The following AP1M1 variants were observed in gnomAD, a reference collection of about 807,000 sequenced individuals.
AP1M1 encodes adaptor related protein complex 1 subunit mu 1, also known as AP-1 complex subunit mu-1.
Under a neutral mutation model 57.1 loss-of-function variants are expected in AP1M1, and 18 were observed. The ratio of observed to expected loss-of-function variants is 0.32; its 90% CI spans 0.22 to 0.47. The LOEUF (loss-of-function observed/expected upper bound fraction) is 0.47. Among genes scored for constraint, AP1M1 ranks in the 20% least tolerant of loss-of-function variants. AP1M1 has a pLI of 1.00. For synonymous variants in AP1M1, 241 were observed against 237.9 expected (o/e 1.01, Z -0.12); for missense variants, 362 against 593.5 (o/e 0.61, Z 4.05).
In AP1M1 at chr19:16,234,543, C is replaced by A. The variant is rs540652538; in HGVS notation, c.*108C>A. The stretch of plus-strand genomic sequence containing the variant: ...GGGGCCCTCCCTGGTCTCTGGCCAC[C>A]CTCCCAGCCTCTGCCCAGGGACCCC... On this transcript the variant is annotated 3_prime_UTR_variant, in exon 12 of 12. Coordinates refer to ENST00000291439, the MANE Select transcript of AP1M1 (RefSeq NM_032493.4). 5 of 1,423,014 alleles carry A rather than the reference C, an allele frequency of 3.5e-6. No individual in the cohort carries two copies. Among genetic ancestry groups the A allele is most frequent in the Non-Finnish European group, 4.9e-6 (5 of 1,029,964 alleles). 88.1% of individuals were successfully genotyped at this position (1,423,014 alleles called of 1,614,324 possible). A position where few individuals can be genotyped will look rare whatever the true frequency, so the allele number is the denominator to read the frequency against.
intron 9 of AP1M1, among the ~76,000 whole-genome samples, chr19:16,231,092 T>C (rs1277550797): frequency 2.0e-5 from 3 of 151,726 alleles, no homozygotes; most frequent in African/African-American, 7.3e-5. Flanking sequence ...ATCAAGACCA[T>C]CCTGGCTAAC....
intron 10 of AP1M1, 134 bp downstream of exon 10, chr19:16,233,752 C>A: frequency 8.0e-7 from 1 of 1,242,642 alleles, no homozygotes. Context: ...GCCTCTGCCT[C>A]CCCACAGACA....
At chr19:16,223,834 A>G (rs528734936) in intron 5 of AP1M1, among the ~76,000 whole-genome samples, 1 of 152,320 alleles carries the variant, frequency 6.6e-6, no homozygotes, top group Admixed American at 6.5e-5. Context: ...AGCTGTAGTC[A>G]GTGGCAGGGG....
chr19:16,213,710 C>T (rs1357391194), intron 5 of AP1M1, among the ~76,000 whole-genome samples: 3 of 152,124 alleles, frequency 2.0e-5, no homozygotes, highest in Non-Finnish European at 2.9e-5. Flanking sequence ...CCAGGCTGGT[C>T]TCGAACTCCT....
chr19:16,221,391 AAAG>A (rs2091543747), intron 5 of AP1M1, among the ~76,000 whole-genome samples: 1 of 152,262 alleles, frequency 6.6e-6, no homozygotes, highest in Non-Finnish European at 1.5e-5. Flanking sequence ...ACACCCGAAC[AAAG>A]GAGGAAAGCC....
chr19:16,203,882 C>T lies in AP1M1; in HGVS notation c.199+267C>T, dbSNP rs1039869292. Among the ~76,000 whole-genome samples the T allele has an allele frequency of 2.0e-5, 3 of 152,162 alleles. No individual in the cohort carries two copies. The highest frequency in any genetic ancestry group is 4.4e-5 in the Non-Finnish European group (3 of 68,020). On this transcript the variant is annotated intron_variant, in intron 2 of 11. Transcript: ENST00000291439. The surrounding 1 kb of genome is among the most constrained non-coding windows in gnomAD (Gnocchi z 4.6). ...GAAATGACACCCTGGAGGAAGCCTG[C>T]AGGGAGGCCTGGCTTCTGCCAGCTG...
In AP1M1 at chr19:16,228,960, C is replaced by T. The variant is rs1233065485; in HGVS notation, c.1047+32C>T. 6.2e-7 allele frequency: 1 copy of T among 1,604,078 alleles called. No homozygotes were observed. The highest frequency in any genetic ancestry group is 8.5e-7 in the Non-Finnish European group (1 of 1,172,260). On this transcript the variant is annotated intron_variant, in intron 9 of 11. Coordinates refer to ENST00000291439, the MANE Select transcript of AP1M1 (RefSeq NM_032493.4). This position sits in a 1 kb window ranked among gnomAD's most constrained non-coding sequence, Gnocchi z 5.0. ...ACTCTGTCCAGACATCCACGTGCCC[C>T]CTGCGCCTGTCTCTGCAAGGCAGCC...
chr19:16,226,292 C>T, intron 5 of AP1M1, 129 bp from the exon 6 acceptor site: 1 of 1,317,914 alleles, frequency 7.6e-7, no homozygotes, highest in Non-Finnish European at 1.0e-6. Context: ...AGGGGATGCC[C>T]AGGAGAGGGA....
At chr19:16,213,556 G>A (rs766828411) in intron 5 of AP1M1, among the ~76,000 whole-genome samples, 12 of 151,738 alleles carry the variant, frequency 7.9e-5, no homozygotes, top group Middle Eastern at 3.2e-3. Flanking sequence ...GTGCAGTGGC[G>A]CAATCTCGGC....
intron 5 of AP1M1, among the ~76,000 whole-genome samples, chr19:16,217,303 G>A (rs1209339050): frequency 6.6e-6 from 1 of 152,152 alleles, no homozygotes; most frequent in East Asian, 1.9e-4. Context: ...TGGGAGAGGA[G>A]AATGAGGGGC....
intron 1 of AP1M1, among the ~76,000 whole-genome samples, chr19:16,202,763 T>A (rs1343159316): frequency 8.5e-5 from 13 of 152,240 alleles, no homozygotes; most frequent in Admixed American, 8.5e-4. Context: ...CTAGTCTGGG[T>A]CTGTTTCAAT....
rs144259652 is a variant in AP1M1, at chr19:16,220,642, C to T, written c.547-5779C>T. Among the ~76,000 whole-genome samples, 366 of 152,256 alleles carry T rather than the reference C, an allele frequency of 2.4e-3. 1 individual carries two copies. The highest frequency in any genetic ancestry group is 7.1e-3 in the African/African-American group (296 of 41,550). On this transcript the variant is annotated intron_variant, in intron 5 of 11. Transcript: ENST00000291439. ...CTGACCTCAAGTGATCTGCTCACCC[C>T]GGCCTCCCAAAATGCTGGGATTACA...
In AP1M1 at chr19:16,237,934, C is replaced by CA. The variant is rs2145148488; in HGVS notation, c.*3500dup. 6.6e-6 allele frequency: 1 copy of CA among 152,020 alleles called. No homozygotes were observed. The highest frequency in any genetic ancestry group is 2.0e-4 in the East Asian group (1 of 5,104). 9.4% of individuals were successfully genotyped at this position (152,020 alleles called of 1,614,324 possible). On this transcript the variant is annotated 3_prime_UTR_variant, in exon 12 of 12. Coordinates refer to ENST00000291439, the MANE Select transcript of AP1M1 (RefSeq NM_032493.4). ...ACGGCTCACTGCAGCCTCGAGCTGC[C>CA]AGGCTCAGCCAATCCTGCCTCAGCC...
At chr19:16,201,978 G>T (rs1047072270) in intron 1 of AP1M1, among the ~76,000 whole-genome samples, 2 of 152,174 alleles carry the variant, frequency 1.3e-5, no homozygotes, top group Admixed American at 1.3e-4. Flanking sequence ...CAGTGGGGGA[G>T]AGACCCCGTC....
intron 10 of AP1M1, among the ~76,000 whole-genome samples, chr19:16,233,880 C>A (rs1487260117): frequency 6.6e-6 from 1 of 152,160 alleles, no homozygotes; most frequent in African/African-American, 2.4e-5. Flanking sequence ...GACCTCTTTT[C>A]CCTGGCACCC....
At chr19:16,208,928 C>T in intron 4 of AP1M1, 102 bp from the exon 5 acceptor site, 2 of 1,430,632 alleles carry the variant, frequency 1.4e-6, no homozygotes, top group Admixed American at 4.4e-5. Context: ...CGGTCAGAAC[C>T]TGCCCTGTAC....
At chr19:16,232,343 C>T (rs2091602479) in intron 9 of AP1M1, among the ~76,000 whole-genome samples, 2 of 152,360 alleles carry the variant, frequency 1.3e-5, no homozygotes, top group South Asian at 4.1e-4. Context: ...CAGAATTAAA[C>T]CCACTCGGCT....
At position 16,234,606 on chromosome 19, in the gene AP1M1, G is replaced by A. The variant is rs180812155; in HGVS notation, c.*171G>A. The A allele has an allele frequency of 1.2e-5, 9 of 733,904 alleles. No individual in the cohort carries two copies. The highest frequency in any genetic ancestry group is 5.3e-5 in the African/African-American group (3 of 56,828). The allele number at this position is 733,904 out of a possible 1,614,324, so 45.5% of individuals were successfully genotyped here. A position where few individuals can be genotyped will look rare whatever the true frequency, so the allele number is the denominator to read the frequency against. On this transcript the variant is annotated 3_prime_UTR_variant, in exon 12 of 12. Transcript: ENST00000291439. ...GCCATCTGCTCTGCCGTCGACACTC[G>A]TCTCAGAAGCCCCTTTCCCAGAAGA...
rs1178624700 is a variant in AP1M1 at position 16,239,893 on chromosome 19, A to G, written c.*5458A>G. On this transcript the variant is annotated 3_prime_UTR_variant, in exon 12 of 12. Coordinates refer to ENST00000291439, the MANE Select transcript of AP1M1 (RefSeq NM_032493.4). Reference sequence around the variant, plus strand: ...GCTGTCTGAGGCAGTTACCCGGGACATAGCACAGCTAATGAGACATATATA... The same window carrying G: ...GCTGTCTGAGGCAGTTACCCGGGACGTAGCACAGCTAATGAGACATATATA... 3 of 152,178 alleles carry G rather than the reference A, an allele frequency of 2.0e-5. No individual in the cohort carries two copies. The highest frequency in any genetic ancestry group is 4.4e-5 in the Non-Finnish European group (3 of 68,042). The allele number at this position is 152,178 out of a possible 1,614,324, so 9.4% of individuals were successfully genotyped here.
Sources: allele counts gnomAD v4.1 joint callset (sites outside exome capture counted in the v4.1 genomes callset), GRCh38; gene constraint gnomAD v4.1.1; non-coding constraint Gnocchi (gnomAD v3.1); transcripts MANE v1.5; gene names NCBI Gene and HGNC (gene_info 2026-07-23, HGNC 2026-07-21).